Variants in CFAP58 observed in about 807,000 individuals in gnomAD.
The protein encoded by CFAP58 is cilia- and flagella-associated protein 58.
In CFAP58, 88 loss-of-function variants were observed where a neutral mutation model predicts 119.5. The ratio of observed to expected loss-of-function variants is 0.74; its 90% CI spans 0.62 to 0.88. The LOEUF is 0.88. Among genes scored for constraint, CFAP58 ranks in the 40% least tolerant of loss-of-function variants. CFAP58 has a pLI of 0.00. For missense variants in CFAP58, 990 were observed against 1,021.2 expected, an observed-to-expected ratio of 0.97 and a Z score of 0.42; for synonymous variants, 365 against 366.3, an observed-to-expected ratio of 1.00 and a Z score of 0.04.
chr10:104,386,790 G>C (rs1236812220), intron 9 of CFAP58, among the ~76,000 whole-genome samples: 2 of 152,196 alleles, frequency 1.3e-5, no homozygotes, highest in African/African-American at 4.8e-5. Context: ...TTAAGTATCT[G>C]TATCAAGTTA....
chr10:104,366,561 G>A (rs1449303442), intron 5 of CFAP58, among the ~76,000 whole-genome samples: 1 of 152,210 alleles, frequency 6.6e-6, no homozygotes, highest in African/African-American at 2.4e-5. Context: ...TTGCCATGTA[G>A]TTATAGACTT....
intron 15 of CFAP58, among the ~76,000 whole-genome samples, chr10:104,445,547 T>C (rs2013101869): frequency 6.6e-6 from 1 of 152,214 alleles, no homozygotes; most frequent in Admixed American, 6.5e-5. Flanking sequence ...TACTCTCTAA[T>C]GTGGCTTTGA....
intron 1 of CFAP58, among the ~76,000 whole-genome samples, chr10:104,356,925 A>C (rs2014550474): frequency 6.6e-6 from 1 of 152,240 alleles, no homozygotes; most frequent in African/African-American, 2.4e-5. Context: ...TCAATGAATG[A>C]ATAAATATAT....
chr10:104,381,720 A>G (rs532778147), intron 9 of CFAP58, among the ~76,000 whole-genome samples: 1 of 152,314 alleles, frequency 6.6e-6, no homozygotes, highest in Admixed American at 6.5e-5. Context: ...ACTGATAGGA[A>G]GTCAGCTTCT....
At chr10:104,371,513 A>G (rs1331142910) in intron 7 of CFAP58, among the ~76,000 whole-genome samples, 1 of 152,234 alleles carries the variant, frequency 6.6e-6, no homozygotes, top group Non-Finnish European at 1.5e-5. Flanking sequence ...GTACTTTGCC[A>G]TGTGATGAAC....
At chr10:104,372,213 C>T (rs923499834) in intron 7 of CFAP58, among the ~76,000 whole-genome samples, 5 of 152,060 alleles carry the variant, frequency 3.3e-5, no homozygotes, top group Non-Finnish European at 2.9e-5. Context: ...ATTAGCTGGG[C>T]ATGGTAGCGG....
At chr10:104,434,874 A>G (rs192123945) in intron 15 of CFAP58, among the ~76,000 whole-genome samples, 5 of 152,316 alleles carry the variant, frequency 3.3e-5, no homozygotes, top group Admixed American at 3.3e-4. Flanking sequence ...AGGAAGGAGC[A>G]TGGTCTTTTG....
intron 8 of CFAP58, among the ~76,000 whole-genome samples, chr10:104,379,548 G>C (rs1158744036): frequency 6.6e-6 from 1 of 152,152 alleles, no homozygotes; most frequent in Non-Finnish European, 1.5e-5. Flanking sequence ...GTTAATTCTA[G>C]GTATCTGCAT....
At chr10:104,382,769 T>C (rs1035505990) in intron 9 of CFAP58, among the ~76,000 whole-genome samples, 2 of 152,212 alleles carry the variant, frequency 1.3e-5, no homozygotes, top group African/African-American at 2.4e-5. Flanking sequence ...GTGAAGAAGA[T>C]GCCTGCTTCC....
chr10:104,412,679 T>C (rs946187898), intron 15 of CFAP58, among the ~76,000 whole-genome samples: 1 of 152,204 alleles, frequency 6.6e-6, no homozygotes, highest in East Asian at 1.9e-4. Flanking sequence ...TAATCTGTTA[T>C]GTGGTGATAG....
At chr10:104,357,919 A>G (rs1223349210) in intron 1 of CFAP58, among the ~76,000 whole-genome samples, 3 of 117,502 alleles carry the variant, frequency 2.6e-5, no homozygotes, top group East Asian at 2.2e-4. Flanking sequence ...ACACACATAT[A>G]TGTACACATA....
chr10:104,447,803 A>G lies in CFAP58; in HGVS notation c.2362A>G (p.Lys788Glu), dbSNP rs1564907801. The G allele has an allele frequency of 6.2e-7, 1 of 1,613,096 alleles. No individual in the cohort carries two copies. Among genetic ancestry groups the G allele is most frequent in the South Asian group, 1.1e-5 (1 of 90,990 alleles). ...GTACCGACGCACGCTGCATGACAAG[A>G]AGCAGCAGCTGAAAGTAAGTGGTAG... The part of the protein sequence containing the change: ...KLYRRTLHDK[K>E]QQLKVLSSEL... Residue 788 changes from lysine to glutamate, a missense_variant, in exon 16 of 18, where the codon AAG (lysine) becomes GAG (glutamate). Transcript: ENST00000369704.
At chr10:104,339,452 A>G in the CFAP58 span, among the ~76,000 whole-genome samples, 75 of 152,354 alleles carry the variant, frequency 4.9e-4, no homozygotes, top group African/African-American at 1.6e-3. Context: ...TACCATCAGT[A>G]CAAAAGGCAG....
At chr10:104,392,458 T>G in intron 10 of CFAP58, 64 bp downstream of exon 10, 1 of 1,217,372 alleles carries the variant, frequency 8.2e-7, no homozygotes, top group South Asian at 1.6e-5. Context: ...AAACAGTTTC[T>G]GTTATCCTAA....
At position 104,358,497 on chromosome 10, in the gene CFAP58, A is replaced by G. The variant is rs537396598; in HGVS notation, c.166A>G (p.Asn56Asp). The change falls in exon 2 of 18, where the codon AAT (asparagine) becomes GAT (aspartate). Residue 56 changes from asparagine (N) to aspartate (D), a missense_variant. Asn to Asp is a conservative substitution (Grantham distance 23). Coordinates refer to ENST00000369704, the MANE Select transcript of CFAP58 (RefSeq NM_001008723.2). ...LHAVMKKSYD[N>D]EKRLMAKCRE... ...TGCTGTCATGAAAAAGTCTTATGAC[A>G]ATGAAAAGCGTCTGATGGCCAAATG... 4.3e-6 allele frequency: 7 copies of G among 1,614,160 alleles called. No individual in the cohort carries two copies. Among genetic ancestry groups the G allele is most frequent in the Non-Finnish European group, 5.1e-6 (6 of 1,180,030 alleles).
chr10:104,394,326 A>T (rs1055122920), intron 11 of CFAP58, among the ~76,000 whole-genome samples: 1 of 152,222 alleles, frequency 6.6e-6, no homozygotes, highest in Non-Finnish European at 1.5e-5. Flanking sequence ...TTGTTATGAA[A>T]ATATATGTGC....
At chr10:104,419,638 T>C (rs1019673828) in intron 15 of CFAP58, among the ~76,000 whole-genome samples, 3 of 152,114 alleles carry the variant, frequency 2.0e-5, no homozygotes, top group African/African-American at 4.8e-5. Flanking sequence ...CTCTCCTTTA[T>C]GAGATGATGG....
chr10:104,441,870 CA>C (rs1203259362), intron 15 of CFAP58, among the ~76,000 whole-genome samples: 3 of 152,144 alleles, frequency 2.0e-5, no homozygotes, highest in Non-Finnish European at 4.4e-5. Context: ...AAGATAGGCC[CA>C]GAGTTCAGTT....
upstream of CFAP58, among the ~76,000 whole-genome samples, chr10:104,350,657 C>G (rs1178278572): frequency 6.6e-6 from 1 of 152,212 alleles, no homozygotes; most frequent in African/African-American, 2.4e-5. Flanking sequence ...ATTCTCTGAG[C>G]TCCCATTGTG....
Sources: allele counts gnomAD v4.1 joint callset (sites outside exome capture counted in the v4.1 genomes callset), GRCh38; gene constraint gnomAD v4.1.1; transcripts MANE v1.5; gene names NCBI Gene and HGNC (gene_info 2026-07-23, HGNC 2026-07-21).